Variants in PBX1 observed in about 807,000 individuals in gnomAD.
PBX1 encodes PBX homeobox 1.
Under a neutral mutation model 53.4 loss-of-function variants are expected in PBX1, and 6 were observed. That is an observed-to-expected ratio of 0.11 (90% CI 0.06 to 0.22). PBX1 has a LOEUF of 0.22. Ranked by LOEUF, PBX1 falls within the 10% of genes least tolerant of loss-of-function variation. PBX1 has a pLI of 1.00. For synonymous variants in PBX1, 204 were observed against 212.3 expected (o/e 0.96, Z 0.34); for missense variants, 251 against 551.4 (o/e 0.46, Z 5.46).
intron 8 of PBX1, among the ~76,000 whole-genome samples, chr1:164,842,586 T>C (rs1310169967): frequency 6.6e-6 from 1 of 152,218 alleles, no homozygotes; most frequent in Non-Finnish European, 1.5e-5. Context: ...GTTGAGCTGC[T>C]CTGCTGGCTT....
At chr1:164,840,288 T>G (rs933887161) in intron 8 of PBX1, among the ~76,000 whole-genome samples, 1 of 152,176 alleles carries the variant, frequency 6.6e-6, no homozygotes, top group Non-Finnish European at 1.5e-5. Flanking sequence ...GAGCACATGT[T>G]ATTCCCATAT....
At chr1:164,594,699 C>T (rs1655639672) in intron 2 of PBX1, among the ~76,000 whole-genome samples, 1 of 152,136 alleles carries the variant, frequency 6.6e-6, no homozygotes, top group Admixed American at 6.5e-5. Context: ...ATTCAGAATA[C>T]TATTTCAACA....
intron 2 of PBX1, among the ~76,000 whole-genome samples, chr1:164,884,078 A>T (rs1299830991): frequency 6.6e-6 from 1 of 152,188 alleles, no homozygotes; most frequent in African/African-American, 2.4e-5. Context: ...TGTAACCTTG[A>T]GCAAGTCATT....
rs550429853 is a variant in PBX1, at chr1:164,720,108, G to A, written c.266-72386G>A. ...ATTTGTATCGAATGCAAAATGTCCAGCCTCACATGGAAACTGGAAAGTCCC... is the reference window on the plus strand; with the variant it reads ...ATTTGTATCGAATGCAAAATGTCCAACCTCACATGGAAACTGGAAAGTCCC... On this transcript the variant is annotated intron_variant, in intron 2 of 8. Transcript: ENST00000420696. 2.6e-5 allele frequency among the ~76,000 whole-genome samples: 4 copies of A among 152,314 alleles called. No homozygotes were observed. The South Asian group carries it at 8.3e-4, about 32-fold the overall frequency.
chr1:164,812,433 C>A (rs142248968), intron 6 of PBX1, among the ~76,000 whole-genome samples: 87 of 152,268 alleles, frequency 5.7e-4, no homozygotes, highest in African/African-American at 2.0e-3. Context: ...CCTCTAAATT[C>A]TCCTCTCAGG....
At chr1:164,801,982 G>A (rs1364209030) in intron 4 of PBX1, among the ~76,000 whole-genome samples, 1 of 152,192 alleles carries the variant, frequency 6.6e-6, no homozygotes, top group Admixed American at 6.5e-5. Flanking sequence ...AACTTAGTAA[G>A]AAAGACACAC....
At chr1:164,741,802 C>T (rs1026477360) in intron 2 of PBX1, among the ~76,000 whole-genome samples, 3 of 150,202 alleles carry the variant, frequency 2.0e-5, no homozygotes, top group Admixed American at 6.6e-5. Context: ...CACTGAAGCC[C>T]GATGAAGTAC....
intron 2 of PBX1, among the ~76,000 whole-genome samples, chr1:164,760,707 T>C (rs960160591): frequency 6.6e-6 from 1 of 152,234 alleles, no homozygotes; most frequent in Non-Finnish European, 1.5e-5. Context: ...CGGCTGCTAA[T>C]GCAGCATGCG....
At chr1:164,761,678 C>T (rs2102223150) in intron 2 of PBX1, among the ~76,000 whole-genome samples, 1 of 152,298 alleles carries the variant, frequency 6.6e-6, no homozygotes, top group Middle Eastern at 3.4e-3. Context: ...CTCCTGACCT[C>T]ATGATCCGCC....
At chr1:164,806,341 A>G (rs1465766693) in intron 4 of PBX1, among the ~76,000 whole-genome samples, 1 of 152,156 alleles carries the variant, frequency 6.6e-6, no homozygotes, top group African/African-American at 2.4e-5. Flanking sequence ...CTGTATATGA[A>G]AAAGAATTCT....
chr1:164,660,319 T>C (rs1357848545), intron 2 of PBX1, among the ~76,000 whole-genome samples: 2 of 152,188 alleles, frequency 1.3e-5, no homozygotes, highest in African/African-American at 4.8e-5. Context: ...TGGGACATGC[T>C]GGGGCCTGGA....
chr1:164,625,065 AC>A (rs1211899360), intron 2 of PBX1, among the ~76,000 whole-genome samples: 1 of 152,224 alleles, frequency 6.6e-6, no homozygotes, highest in Non-Finnish European at 1.5e-5. Context: ...AGAACATGTT[AC>A]ACCATGTAGA....
intron 6 of PBX1, chr1:164,815,700 C>T (rs1468792662): frequency 1.3e-5 from 2 of 152,140 alleles, no homozygotes; most frequent in African/African-American, 2.4e-5. Context: ...CTTATAAAAC[C>T]ATCAGATAGA....
intron 2 of PBX1, among the ~76,000 whole-genome samples, chr1:164,633,219 G>A (rs1206498849): frequency 1.3e-5 from 2 of 150,202 alleles, no homozygotes; most frequent in Non-Finnish European, 3.0e-5. Flanking sequence ...GCACAATCTT[G>A]GCTCACTTCA....
chr1:164,619,045 G>A (rs1657497884), intron 2 of PBX1, among the ~76,000 whole-genome samples: 1 of 152,148 alleles, frequency 6.6e-6, no homozygotes, highest in Non-Finnish European at 1.5e-5. Context: ...GCAGAGAAAA[G>A]GGTAAAATGA....
chr1:164,784,270 C>T (rs542084189), intron 2 of PBX1, among the ~76,000 whole-genome samples: 3 of 152,304 alleles, frequency 2.0e-5, no homozygotes, highest in South Asian at 2.1e-4. Flanking sequence ...AGGGGTTTCC[C>T]GAGCAGCAGT....
chr1:164,701,801 G>T (rs895564532), intron 2 of PBX1, among the ~76,000 whole-genome samples: 1 of 152,078 alleles, frequency 6.6e-6, no homozygotes, highest in Non-Finnish European at 1.5e-5. Context: ...CTTATGATTT[G>T]TGTCATTTTC....
intron 3 of PBX1, among the ~76,000 whole-genome samples, chr1:164,799,496 A>G (rs917940089): frequency 6.6e-6 from 1 of 152,342 alleles, no homozygotes; most frequent in Non-Finnish European, 1.5e-5. Context: ...GTCTCAAAAA[A>G]AATAAATAAA....
intron 2 of PBX1, among the ~76,000 whole-genome samples, chr1:164,885,088 T>C (rs1289889374): frequency 6.6e-6 from 1 of 152,164 alleles, no homozygotes; most frequent in Non-Finnish European, 1.5e-5. Context: ...TGGCAGGCAT[T>C]TCTATCCTTG....
Sources: gnomAD v4.1 joint callset for allele counts (sites outside exome capture counted in the v4.1 genomes callset) on GRCh38, gnomAD v4.1.1 for gene constraint, MANE v1.5 for transcripts, NCBI Gene and HGNC (gene_info 2026-07-23, HGNC 2026-07-21) for gene names.